EPC2: variants seen among roughly 807,000 people sequenced by gnomAD.
The protein encoded by EPC2 is enhancer of polycomb homolog 2.
EPC2 carries 14 observed loss-of-function variants against 92.1 expected under a neutral mutation model. The observed-to-expected ratio is 0.15, with a 90% CI of 0.10 to 0.24. EPC2 has a LOEUF of 0.24. Among genes scored for constraint, EPC2 ranks in the 10% least tolerant of loss-of-function variants. The probability of loss-of-function intolerance (pLI) is 1.00; values close to 1 mark genes in which losing one functional copy is unlikely to be tolerated. For missense variants in EPC2, 755 were observed against 971.5 expected (o/e 0.78, Z 2.96); for synonymous variants, 340 against 334.7 (o/e 1.02, Z -0.17).
chr2:148,710,523 C>T (rs556939595), intron 2 of EPC2, among the ~76,000 whole-genome samples: 1 of 152,346 alleles, frequency 6.6e-6, no homozygotes, highest in Admixed American at 6.5e-5. Context: ...GATTATAAAT[C>T]ATGCTACTAT....
rs971798385 is a variant in EPC2, at chr2:148,783,447, A to G, written c.1858-150A>G. The G allele has an allele frequency of 1.9e-5, 12 of 622,266 alleles. No individual in the cohort carries two copies. In the Admixed American group the frequency reaches 4.0e-4, roughly 21 times the overall value. The allele number at this position is 622,266 out of a possible 1,614,324, so 38.5% of individuals were successfully genotyped here. ...CGTTTCCCTGCTTCATATGCCAAAA[A>G]TCATCTATGGAATCGTAGATCGCTT... On this transcript the variant is annotated intron_variant, in intron 11 of 13. Transcript: ENST00000258484.
intron 10 of EPC2, among the ~76,000 whole-genome samples, chr2:148,780,900 CTT>C (rs1357793020): frequency 6.6e-6 from 1 of 152,084 alleles, no homozygotes; most frequent in African/African-American, 2.4e-5. Context: ...GTTTACATTT[CTT>C]TGAGAAAAGT....
chr2:148,760,672 A>C (rs1167174880), intron 4 of EPC2, among the ~76,000 whole-genome samples: 4 of 152,252 alleles, frequency 2.6e-5, no homozygotes, highest in African/African-American at 9.6e-5. Context: ...AATTACACAA[A>C]AGGATGACTT....
At chr2:148,663,001 A>T (rs544939987) in intron 1 of EPC2, among the ~76,000 whole-genome samples, 1 of 151,596 alleles carries the variant, frequency 6.6e-6, no homozygotes, top group African/African-American at 2.4e-5. Context: ...AATTTCCAGG[A>T]GATGGAATAT....
chr2:148,777,179 AAAG>A (rs1437109407), intron 10 of EPC2, among the ~76,000 whole-genome samples: 2 of 152,074 alleles, frequency 1.3e-5, no homozygotes, highest in African/African-American at 4.8e-5. Flanking sequence ...GTCTCTTAAA[AAAG>A]AGAAAAAAAA....
At chr2:148,676,688 G>GT (rs1447666610) in intron 1 of EPC2, among the ~76,000 whole-genome samples, 2 of 149,826 alleles carry the variant, frequency 1.3e-5, no homozygotes, top group African/African-American at 2.5e-5. Context: ...AAGTTATGTT[G>GT]TTTTTTTACT....
chr2:148,760,879 G>A (rs1474912538), intron 4 of EPC2, among the ~76,000 whole-genome samples: 2 of 151,982 alleles, frequency 1.3e-5, no homozygotes, highest in East Asian at 1.9e-4. Context: ...TCTTTCTAAT[G>A]TCATTTCAGA....
intron 1 of EPC2, among the ~76,000 whole-genome samples, chr2:148,672,936 A>G (rs1209387288): frequency 1.3e-5 from 2 of 152,044 alleles, no homozygotes; most frequent in African/African-American, 4.8e-5. Context: ...TTTGTCTTTC[A>G]TTTTTGAAGA....
chr2:148,757,268 C>T (rs1032452188), intron 4 of EPC2, among the ~76,000 whole-genome samples: 2 of 152,046 alleles, frequency 1.3e-5, no homozygotes, highest in Non-Finnish European at 2.9e-5. Flanking sequence ...CCCAGCTGCT[C>T]GGGAGGCTGA....
intron 2 of EPC2, among the ~76,000 whole-genome samples, chr2:148,701,427 TCTC>T (rs1274210767): frequency 2.0e-5 from 3 of 152,296 alleles, no homozygotes; most frequent in Middle Eastern, 3.4e-3. Flanking sequence ...TTGAAGAAAT[TCTC>T]CTCTATTCTT....
chr2:148,762,866 C>T, intron 6 of EPC2, 64 bp downstream of exon 6: 1 of 1,491,628 alleles, frequency 6.7e-7, no homozygotes, highest in Non-Finnish European at 8.9e-7. Context: ...TTATTGATTT[C>T]TGCAGTTGTC....
Position 148,720,590 on chromosome 2 carries a change from C to T in EPC2, c.314-23032C>T, listed in dbSNP as rs143366101. On this transcript the variant is annotated intron_variant, in intron 2 of 13. Coordinates refer to ENST00000258484, the MANE Select transcript of EPC2 (RefSeq NM_015630.4). ...GAGCAGCTGCTCTGCTGAGACTCCA[C>T]GCAGCTCCGTGTGTTGGCCCCAAGG... Among the ~76,000 whole-genome samples the T allele has an allele frequency of 9.4e-3, 1,439 of 152,316 alleles. 11 individuals are homozygous for T. Among genetic ancestry groups the T allele is most frequent in the Middle Eastern group, 0.065 (19 of 294 alleles).
At chr2:148,660,860 C>A (rs1161941827) in intron 1 of EPC2, among the ~76,000 whole-genome samples, 1 of 150,816 alleles carries the variant, frequency 6.6e-6, no homozygotes, top group Non-Finnish European at 1.5e-5. Flanking sequence ...TAATTTTGTT[C>A]CCTTTAAATT....
At chr2:148,728,102 G>A (rs949498278) in intron 2 of EPC2, among the ~76,000 whole-genome samples, 1 of 152,092 alleles carries the variant, frequency 6.6e-6, no homozygotes, top group Non-Finnish European at 1.5e-5. Context: ...TGATCCTCCT[G>A]CCTGAGCCTC....
chr2:148,676,872 T>G (rs980097344), intron 1 of EPC2, among the ~76,000 whole-genome samples: 5 of 141,594 alleles, frequency 3.5e-5, no homozygotes, highest in African/African-American at 1.3e-4. Context: ...CCACTTTTTT[T>G]GGGGGGGGGG....
chr2:148,668,906 A>T (rs769322379), intron 1 of EPC2, among the ~76,000 whole-genome samples: 1 of 151,548 alleles, frequency 6.6e-6, no homozygotes, highest in Non-Finnish European at 1.5e-5. Flanking sequence ...CTATGATCTT[A>T]TTTCCTTTCT....
chr2:148,661,989 A>T (rs1402853303), intron 1 of EPC2, among the ~76,000 whole-genome samples: 1 of 152,218 alleles, frequency 6.6e-6, no homozygotes, highest in Non-Finnish European at 1.5e-5. Context: ...AAACAACCCC[A>T]TCAAAAAGTG....
At position 148,755,115 on chromosome 2, in the gene EPC2, G is replaced by GGT. The variant is rs576832280; in HGVS notation, c.666+983_666+984dup. 1.9e-4 allele frequency among the ~76,000 whole-genome samples: 29 copies of GGT among 152,136 alleles called. No individual in the cohort carries two copies. In the South Asian group the frequency reaches 5.8e-3, roughly 31 times the overall value. On this transcript the variant is annotated intron_variant, in intron 4 of 13. Coordinates refer to ENST00000258484, the MANE Select transcript of EPC2 (RefSeq NM_015630.4). ...ATATTTTAGGAAAAACTCTCTTCCT[G>GGT]GTTAATAACCAGAATTTCTATAATT...
chr2:148,679,558 G>A (rs1046348243), intron 1 of EPC2, among the ~76,000 whole-genome samples: 7 of 152,148 alleles, frequency 4.6e-5, no homozygotes, highest in African/African-American at 1.4e-4. Context: ...GGCTTAAATC[G>A]TTAGAAATTA....
Sources: gnomAD v4.1 joint callset for allele counts (sites outside exome capture counted in the v4.1 genomes callset) on GRCh38, gnomAD v4.1.1 for gene constraint, MANE v1.5 for transcripts, NCBI Gene and HGNC (gene_info 2026-07-23, HGNC 2026-07-21) for gene names.